ATE1: variants seen among roughly 807,000 people sequenced by gnomAD.
ATE1 encodes arginyltransferase 1, also known as arginyl-tRNA--protein transferase 1.
In ATE1, 36 loss-of-function variants were observed where a neutral mutation model predicts 70.5. That is an observed-to-expected ratio of 0.51 (90% CI 0.39 to 0.67). The LOEUF (loss-of-function observed/expected upper bound fraction) is 0.67. Among genes scored for constraint, ATE1 ranks in the 30% least tolerant of loss-of-function variants. ATE1 has a pLI of 0.00. For missense variants in ATE1, 593 were observed against 629.5 expected, an observed-to-expected ratio of 0.94 and a Z score of 0.62; for synonymous variants, 232 against 219.3, an observed-to-expected ratio of 1.06 and a Z score of -0.51.
intron 5 of ATE1, among the ~76,000 whole-genome samples, chr10:121,908,324 C>T (rs541930175): frequency 6.6e-6 from 1 of 152,182 alleles, no homozygotes; most frequent in East Asian, 1.9e-4. Flanking sequence ...GCCAACATGG[C>T]TAAACCCCGT....
rs1274929183 is a variant in ATE1, at chr10:121,791,103, T to A, written c.1258-814A>T. 7.6e-3 allele frequency among the ~76,000 whole-genome samples: 1,100 copies of A among 143,832 alleles called. 11 individuals carry two copies. The highest frequency in any genetic ancestry group is 0.018 in the African/African-American group (695 of 39,320). 94.4% of individuals were successfully genotyped at this position (143,832 alleles called of 152,430 possible). A position where few individuals can be genotyped will look rare whatever the true frequency, so the allele number is the denominator to read the frequency against. ...GTGTGTGTGTGTATATATATTTTTT[T>A]TTTTTTTTGAGATAGATTCTTGCTC... is the stretch of plus-strand genomic sequence containing the variant. On this transcript the variant is annotated intron_variant, in intron 10 of 11. Coordinates refer to ENST00000224652, the MANE Select transcript of ATE1 (RefSeq NM_001001976.3).
intron 10 of ATE1, among the ~76,000 whole-genome samples, chr10:121,806,333 C>A (rs554411378): frequency 6.6e-6 from 1 of 152,060 alleles, no homozygotes; most frequent in East Asian, 1.9e-4. Flanking sequence ...CATGCCTGCA[C>A]TCCCAGCTAC....
chr10:121,762,037 C>G (rs1945062369), intron 11 of ATE1, among the ~76,000 whole-genome samples: 1 of 152,182 alleles, frequency 6.6e-6, no homozygotes, highest in Admixed American at 6.5e-5. Context: ...GCCCAGTCAC[C>G]TTCACTCTGT....
intron 10 of ATE1, among the ~76,000 whole-genome samples, chr10:121,795,865 T>C (rs1260125792): frequency 6.6e-6 from 1 of 152,124 alleles, no homozygotes; most frequent in African/African-American, 2.4e-5. Flanking sequence ...AAATGAGAAA[T>C]GTTTGTATGA....
chr10:121,923,279 G>C (rs747514589), intron 2 of ATE1, among the ~76,000 whole-genome samples: 1 of 152,142 alleles, frequency 6.6e-6, no homozygotes, highest in Non-Finnish European at 1.5e-5. Flanking sequence ...AGACCAGCAC[G>C]GGCAACATAG....
chr10:121,744,697 G>T (rs1490530279), intron 11 of ATE1, among the ~76,000 whole-genome samples: 2 of 152,172 alleles, frequency 1.3e-5, no homozygotes, highest in Non-Finnish European at 2.9e-5. Context: ...GACCGTTGGT[G>T]GCTGCCACTA....
intron 1 of ATE1, among the ~76,000 whole-genome samples, chr10:121,925,807 G>A (rs2134655980): frequency 6.6e-6 from 1 of 151,840 alleles, no homozygotes; most frequent in South Asian, 2.1e-4. Context: ...CTTGAGACCA[G>A]GAATTTGAGA....
chr10:121,772,956 G>A (rs903451543), intron 11 of ATE1, among the ~76,000 whole-genome samples: 1 of 152,162 alleles, frequency 6.6e-6, no homozygotes, highest in Non-Finnish European at 1.5e-5. Context: ...TACACAAAAA[G>A]TTCTAAAGAG....
intron 10 of ATE1, among the ~76,000 whole-genome samples, chr10:121,833,784 T>C (rs543656126): frequency 6.6e-6 from 1 of 152,268 alleles, no homozygotes; most frequent in African/African-American, 2.4e-5. Context: ...TAATTCTGAA[T>C]TTAATAAACA....
intron 10 of ATE1, among the ~76,000 whole-genome samples, chr10:121,822,725 C>A (rs930652845): frequency 6.6e-6 from 1 of 152,124 alleles, no homozygotes; most frequent in Non-Finnish European, 1.5e-5. Context: ...TGCAGAGTCA[C>A]CTTTCACATG....
intron 10 of ATE1, among the ~76,000 whole-genome samples, chr10:121,793,527 T>C (rs935321926): frequency 3.3e-5 from 5 of 152,210 alleles, no homozygotes; most frequent in African/African-American, 1.2e-4. Flanking sequence ...CTTACCAAGA[T>C]AGTATACTAC....
intron 8 of ATE1, among the ~76,000 whole-genome samples, chr10:121,850,989 G>A (rs1404809378): frequency 6.7e-6 from 1 of 149,942 alleles, no homozygotes; most frequent in Non-Finnish European, 1.5e-5. Flanking sequence ...TACTTGGGAG[G>A]CTGAGGCAGG....
chr10:121,848,282 G>GCATT (rs1315038501), intron 8 of ATE1, among the ~76,000 whole-genome samples: 3 of 92,314 alleles, frequency 3.2e-5, no homozygotes, highest in Non-Finnish European at 4.6e-5. Flanking sequence ...AATCTAATGT[G>GCATT]CGTTCATTCA....
At chr10:121,762,983 T>C (rs1177216027) in intron 11 of ATE1, among the ~76,000 whole-genome samples, 3 of 152,158 alleles carry the variant, frequency 2.0e-5, no homozygotes, top group Admixed American at 2.0e-4. Context: ...AACCTATTGA[T>C]GATGTTAACT....
intron 10 of ATE1, among the ~76,000 whole-genome samples, chr10:121,801,545 GAAGATAATATA>G (rs1458596449): frequency 2.2e-5 from 2 of 89,052 alleles, no homozygotes; most frequent in Non-Finnish European, 5.1e-5. Flanking sequence ...TGAAGACAAA[GAAGATAATATA>G]AAGAGAGAAA....
At chr10:121,869,627 G>T (rs912370789) in intron 8 of ATE1, among the ~76,000 whole-genome samples, 10 of 152,176 alleles carry the variant, frequency 6.6e-5, no homozygotes, top group African/African-American at 2.4e-4. Context: ...CTTTGCCTCT[G>T]ATTTTTCCAG....
intron 10 of ATE1, among the ~76,000 whole-genome samples, chr10:121,830,896 T>G (rs1323417787): frequency 6.6e-6 from 1 of 152,222 alleles, no homozygotes. Context: ...GGAAAAAATT[T>G]AAAGTTTTAT....
At position 121,898,910 on chromosome 10, in the gene ATE1, G is replaced by A. The variant is rs988397249; in HGVS notation, c.942+956C>T. ...CTTGATACTTGACATACAAAGAAAA[G>A]GACTGGCTGAAAGACGACTTGAACT... On this transcript the variant is annotated intron_variant, in intron 7 of 11. Transcript: ENST00000224652. 2.5e-6 allele frequency: 4 copies of A among 1,613,840 alleles called. No individual in the cohort carries two copies. The African/African-American group carries it at 5.3e-5, about 22-fold the overall frequency.
rs28622034 is a variant in ATE1 at position 121,783,223 on chromosome 10, T to C, written c.1378+6946A>G. Reference sequence around the variant, plus strand: ...CCTAAGATCAGCATATTATAAGAACTCTATTATCACTAGTCAATAGTGGTA... The same window carrying C: ...CCTAAGATCAGCATATTATAAGAACCCTATTATCACTAGTCAATAGTGGTA... On this transcript the variant is annotated intron_variant, in intron 11 of 11. Coordinates refer to ENST00000224652, the MANE Select transcript of ATE1 (RefSeq NM_001001976.3). 1.9e-3 allele frequency among the ~76,000 whole-genome samples: 289 copies of C among 152,232 alleles called. 1 individual carries two copies. The highest frequency in any genetic ancestry group is 6.5e-3 in the African/African-American group (271 of 41,554).
Sources: allele counts gnomAD v4.1 joint callset (sites outside exome capture counted in the v4.1 genomes callset), GRCh38; gene constraint gnomAD v4.1.1; transcripts MANE v1.5; gene names NCBI Gene and HGNC (gene_info 2026-07-23, HGNC 2026-07-21).